Variants in REEP1 observed in about 807,000 individuals in gnomAD.
REEP1 encodes the protein receptor accessory protein 1, also known as receptor expression-enhancing protein 1.
In REEP1, 22 loss-of-function variants were observed where a neutral mutation model predicts 40.3. The observed-to-expected ratio is 0.55, with a 90% confidence interval of 0.39 to 0.78. The LOEUF is 0.78. Ranked by LOEUF, REEP1 falls within the 30% of genes least tolerant of loss-of-function variation. The probability of loss-of-function intolerance (pLI) is 0.00; values close to 1 mark genes in which losing one functional copy is unlikely to be tolerated. For synonymous variants in REEP1, 116 were observed against 139.2 expected (o/e 0.83, Z 1.17); for missense variants, 280 against 361.1 (o/e 0.78, Z 1.82).
Position 86,237,106 on chromosome 2 carries a change from AC to A in REEP1, c.418-4305del, listed in dbSNP as rs200664515. Reference sequence around the variant, plus strand: ...GGGTCTTACAATTGCTGCCGCCCTGACATCATTGTCAACGCCTACACATAGA... The same window carrying A: ...GGGTCTTACAATTGCTGCCGCCCTGAATCATTGTCAACGCCTACACATAGA... On this transcript the variant is annotated intron_variant, in intron 5 of 8. Coordinates refer to ENST00000538924, the MANE Select transcript of REEP1 (RefSeq NM_001371279.1). Among the ~76,000 whole-genome samples, 465 of 152,328 alleles carry A rather than the reference AC, an allele frequency of 3.1e-3. 8 individuals carry two copies. The highest frequency in any genetic ancestry group is 0.025 in the Admixed American group (383 of 15,300).
intron 2 of REEP1, among the ~76,000 whole-genome samples, chr2:86,269,822 A>G (rs1220047643): frequency 6.6e-6 from 1 of 152,022 alleles, no homozygotes; most frequent in African/African-American, 2.4e-5. Flanking sequence ...TATCTGATAA[A>G]GCACTTATAT....
Position 86,308,956 on chromosome 2 carries a change from C to T in REEP1, c.33-26714G>A, listed in dbSNP as rs148405765. ...AGGCCAGGCCATGTGTCTGCCACCT[C>T]GGCATTCTCCAGTGTCTCCATCACT... On this transcript the variant is annotated intron_variant, in intron 1 of 8. Transcript: ENST00000538924. 3.9e-5 allele frequency among the ~76,000 whole-genome samples: 6 copies of T among 152,272 alleles called. No homozygotes were observed. The East Asian group carries it at 5.8e-4, about 15-fold the overall frequency.
chr2:86,270,350 C>G (rs1431872766), intron 2 of REEP1, among the ~76,000 whole-genome samples: 1 of 152,160 alleles, frequency 6.6e-6, no homozygotes, highest in Non-Finnish European at 1.5e-5. Flanking sequence ...GCATGCGCCA[C>G]CACGCCTGGC....
At position 86,230,236 on chromosome 2, in the gene REEP1, G is replaced by A. The variant is rs573200550; in HGVS notation, c.595+2389C>T. Among the ~76,000 whole-genome samples, 137 of 152,358 alleles carry A rather than the reference G, an allele frequency of 9.0e-4. 1 individual carries two copies. Among genetic ancestry groups the A allele is most frequent in the African/African-American group, 3.2e-3 (131 of 41,586 alleles). The stretch of plus-strand genomic sequence containing the variant: ...GCTTTTCTACCTGATGCTGGGCTGG[G>A]AAGATACTCCAGGCCCAGAAGACAC... On this transcript the variant is annotated intron_variant, in intron 6 of 8. Transcript: ENST00000538924.
At chr2:86,276,903 A>T (rs1677783962) in intron 2 of REEP1, among the ~76,000 whole-genome samples, 1 of 152,186 alleles carries the variant, frequency 6.6e-6, no homozygotes, top group Non-Finnish European at 1.5e-5. Context: ...ATTCATATGC[A>T]TGTTAAAGTT....
chr2:86,288,032 A>ATTATTATTTTTTTTTTTTTTTTTTT (rs1558916454), intron 1 of REEP1, among the ~76,000 whole-genome samples: 6 of 149,750 alleles, frequency 4.0e-5, no homozygotes, highest in African/African-American at 1.5e-4. Context: ...TATTTTTATT[A>ATTATTATTTTTTTTTTTTTTTTTTT]TTTTTTTGAG....
intron 2 of REEP1, among the ~76,000 whole-genome samples, chr2:86,269,856 T>G (rs984235991): frequency 6.6e-6 from 1 of 151,834 alleles, no homozygotes; most frequent in Admixed American, 6.6e-5. Flanking sequence ...AAAAAACTCT[T>G]AAAACTCAAC....
intron 1 of REEP1, among the ~76,000 whole-genome samples, chr2:86,301,400 A>G (rs1679251588): frequency 6.6e-6 from 1 of 152,206 alleles, no homozygotes; most frequent in Non-Finnish European, 1.5e-5. Flanking sequence ...ATAGATTCTC[A>G]TCTCATTTCT....
Position 86,216,756 on chromosome 2 carries a change from G to C in REEP1, c.*283C>G, listed in dbSNP as rs1573979702. ...TTATCTTTCTAAAAAACACACTGCTGTCTATAATGACAATCCAATTGTGGA... is the reference window on the plus strand; with the variant it reads ...TTATCTTTCTAAAAAACACACTGCTCTCTATAATGACAATCCAATTGTGGA... On this transcript the variant is annotated 3_prime_UTR_variant, in exon 9 of 9. Coordinates refer to ENST00000538924, the MANE Select transcript of REEP1 (RefSeq NM_001371279.1). 2.5e-6 allele frequency: 1 copy of C among 398,510 alleles called. No homozygotes were observed. Among genetic ancestry groups the C allele is most frequent in the South Asian group, 3.3e-5 (1 of 30,098 alleles). 24.7% of individuals were successfully genotyped at this position (398,510 alleles called of 1,614,324 possible). A position where few individuals can be genotyped will look rare whatever the true frequency, so the allele number is the denominator to read the frequency against.
At chr2:86,316,609 A>T (rs2104501901) in intron 1 of REEP1, among the ~76,000 whole-genome samples, 1 of 150,450 alleles carries the variant, frequency 6.6e-6, no homozygotes, top group East Asian at 2.0e-4. Context: ...CTGTAATCCC[A>T]GCACTTTGGG....
intron 3 of REEP1, among the ~76,000 whole-genome samples, chr2:86,256,908 G>A (rs1052284971): frequency 5.3e-5 from 8 of 152,106 alleles, no homozygotes; most frequent in Non-Finnish European, 1.2e-4. Context: ...ATCAAAAACA[G>A]CAAGTCACTG....
chr2:86,305,986 TA>T (rs1471505367), intron 1 of REEP1, among the ~76,000 whole-genome samples: 1 of 152,182 alleles, frequency 6.6e-6, no homozygotes, highest in African/African-American at 2.4e-5. Flanking sequence ...AATATTGGAG[TA>T]AAGTCTTATG....
intron 5 of REEP1, among the ~76,000 whole-genome samples, chr2:86,242,051 A>G (rs764691063): frequency 1.3e-5 from 2 of 152,004 alleles, no homozygotes; most frequent in Non-Finnish European, 2.9e-5. Context: ...TCTGTTCAAC[A>G]GTGAGGAAAG....
chr2:86,246,489 G>A (rs1675962819), intron 5 of REEP1, among the ~76,000 whole-genome samples: 1 of 152,118 alleles, frequency 6.6e-6, no homozygotes, highest in Admixed American at 6.5e-5. Flanking sequence ...AAGATCTCCG[G>A]GGGAACTAAA....
chr2:86,322,748 C>T lies in REEP1; in HGVS notation c.32+14731G>A, dbSNP rs111326617. ...GGATTACAGGCATTAGTCACTGCAC[C>T]TGGCCCCCAATTTTTTTTTTAATTA... On this transcript the variant is annotated intron_variant, in intron 1 of 8. Coordinates refer to ENST00000538924, the MANE Select transcript of REEP1 (RefSeq NM_001371279.1). 7.3e-3 allele frequency among the ~76,000 whole-genome samples: 1,110 copies of T among 152,220 alleles called. 12 individuals carry two copies. The highest frequency in any genetic ancestry group is 0.025 in the African/African-American group (1,043 of 41,508).
chr2:86,266,324 T>A (rs1287155305), intron 2 of REEP1, among the ~76,000 whole-genome samples: 1 of 152,236 alleles, frequency 6.6e-6, no homozygotes. Flanking sequence ...CTTTCTTAGA[T>A]GTACTACCAA....
intron 8 of REEP1, among the ~76,000 whole-genome samples, 190 bp from the exon 9 acceptor site, chr2:86,217,300 A>G (rs1674167006): frequency 6.6e-6 from 1 of 152,174 alleles, no homozygotes; most frequent in African/African-American, 2.4e-5. Context: ...TATCGCATGA[A>G]GCTGAGCCCT....
At chr2:86,316,548 CAAAA>C (rs58561932) in intron 1 of REEP1, among the ~76,000 whole-genome samples, 2 of 70,436 alleles carry the variant, frequency 2.8e-5, no homozygotes, top group Middle Eastern at 0.014. Flanking sequence ...AACTCTGTCT[CAAAA>C]AAAAAAAAAA....
At chr2:86,275,442 C>T (rs1677707312) in intron 2 of REEP1, among the ~76,000 whole-genome samples, 1 of 152,246 alleles carries the variant, frequency 6.6e-6, no homozygotes, top group African/African-American at 2.4e-5. Context: ...GCACACCTTT[C>T]ATATGCAAAC....
Sources: gnomAD v4.1 joint callset for allele counts (sites outside exome capture counted in the v4.1 genomes callset) on GRCh38, gnomAD v4.1.1 for gene constraint, MANE v1.5 for transcripts, NCBI Gene and HGNC (gene_info 2026-07-23, HGNC 2026-07-21) for gene names.